Variants in FBXL7 observed in about 807,000 individuals in gnomAD.
FBXL7 encodes the protein F-box and leucine rich repeat protein 7, also known as F-box/LRR-repeat protein 7.
In FBXL7, 12 loss-of-function variants were observed where a neutral mutation model predicts 38.3. The observed-to-expected ratio is 0.31, with a 90% confidence interval of 0.20 to 0.51. The LOEUF (loss-of-function observed/expected upper bound fraction) is 0.51, where lower values mean the gene tolerates loss of function less well. Among genes scored for constraint, FBXL7 ranks in the 20% least tolerant of loss-of-function variants. The pLI is 0.98. For synonymous variants in FBXL7, 297 were observed against 300.9 expected (o/e 0.99, Z 0.13); for missense variants, 567 against 676.4 (o/e 0.84, Z 1.79).
intron 2 of FBXL7, among the ~76,000 whole-genome samples, chr5:15,630,757 A>G (rs1333464772): frequency 6.6e-6 from 1 of 152,180 alleles, no homozygotes; most frequent in East Asian, 1.9e-4. Context: ...AAGGTCTAAA[A>G]TCTGATTAAT....
chr5:15,622,460 G>A (rs1000380939), intron 2 of FBXL7, among the ~76,000 whole-genome samples: 7 of 152,000 alleles, frequency 4.6e-5, no homozygotes, highest in South Asian at 4.2e-4. Flanking sequence ...CACAGGCCCC[G>A]GTGTGTGATG....
chr5:15,551,091 C>T (rs1738053005), intron 1 of FBXL7, among the ~76,000 whole-genome samples: 1 of 152,182 alleles, frequency 6.6e-6, no homozygotes, highest in Non-Finnish European at 1.5e-5. Flanking sequence ...GAAGATCCTT[C>T]CTTTTGCCCC....
intron 2 of FBXL7, among the ~76,000 whole-genome samples, chr5:15,679,449 GT>G (rs1444670916): frequency 1.3e-5 from 2 of 151,466 alleles, no homozygotes; most frequent in Non-Finnish European, 2.9e-5. Flanking sequence ...TTCTCAGTTT[GT>G]TTATTGACTA....
intron 2 of FBXL7, among the ~76,000 whole-genome samples, chr5:15,702,851 A>G (rs1047672328): frequency 1.3e-5 from 2 of 148,500 alleles, no homozygotes; most frequent in Admixed American, 6.7e-5. Context: ...CAAGGGAGAT[A>G]GGGGTGGGTG....
chr5:15,790,940 T>C (rs766491445), intron 2 of FBXL7, among the ~76,000 whole-genome samples: 11 of 152,076 alleles, frequency 7.2e-5, no homozygotes, highest in Non-Finnish European at 1.2e-4. Flanking sequence ...TTAAAGTCCT[T>C]TTGGTCATGG....
intron 1 of FBXL7, among the ~76,000 whole-genome samples, chr5:15,536,683 A>G (rs1422048346): frequency 1.3e-5 from 2 of 152,202 alleles, no homozygotes; most frequent in Non-Finnish European, 2.9e-5. Flanking sequence ...TTGATTTTAC[A>G]GGCTCATAGG....
chr5:15,503,191 C>T (rs1016247582), intron 1 of FBXL7, among the ~76,000 whole-genome samples: 11 of 152,256 alleles, frequency 7.2e-5, no homozygotes, highest in African/African-American at 2.4e-4. Flanking sequence ...GAGGCCGAGG[C>T]GGGCAGATTA....
chr5:15,738,512 G>A (rs1735814952), intron 2 of FBXL7, among the ~76,000 whole-genome samples: 2 of 152,072 alleles, frequency 1.3e-5, no homozygotes, highest in South Asian at 4.1e-4. Flanking sequence ...ACAACATGTT[G>A]GCTCTCCCCT....
intron 2 of FBXL7, among the ~76,000 whole-genome samples, chr5:15,622,800 G>A (rs1203982620): frequency 6.6e-6 from 1 of 152,220 alleles, no homozygotes; most frequent in Non-Finnish European, 1.5e-5. Context: ...TGCTTCTTGG[G>A]TTCAAGCGAT....
intron 2 of FBXL7, among the ~76,000 whole-genome samples, chr5:15,840,280 T>G (rs1738706830): frequency 6.6e-6 from 1 of 152,206 alleles, no homozygotes; most frequent in Admixed American, 6.5e-5. Flanking sequence ...TATTTTTCTA[T>G]CCCTCTGCCA....
chr5:15,570,655 G>T (rs980693148), intron 1 of FBXL7, among the ~76,000 whole-genome samples: 1 of 152,160 alleles, frequency 6.6e-6, no homozygotes, highest in Non-Finnish European at 1.5e-5. Context: ...GTAGCAGCCC[G>T]TGTGTGTGCC....
chr5:15,590,267 A>G (rs1263695512), intron 1 of FBXL7, among the ~76,000 whole-genome samples: 4 of 152,112 alleles, frequency 2.6e-5, no homozygotes, highest in Non-Finnish European at 2.9e-5. Flanking sequence ...CTGGATTTAC[A>G]TCTCTTGGAT....
At chr5:15,865,184 A>G (rs1267494829) in intron 2 of FBXL7, among the ~76,000 whole-genome samples, 1 of 152,200 alleles carries the variant, frequency 6.6e-6, no homozygotes, top group Non-Finnish European at 1.5e-5. Context: ...CTGATGGGTA[A>G]GTAAGCATCA....
intron 1 of FBXL7, among the ~76,000 whole-genome samples, chr5:15,532,774 A>T (rs1737466548): frequency 6.6e-6 from 1 of 152,226 alleles, no homozygotes; most frequent in Non-Finnish European, 1.5e-5. Flanking sequence ...CGAGTTAAAG[A>T]ACACTGATTT....
chr5:15,576,072 C>CTTTTTTT (rs35832237), intron 1 of FBXL7, among the ~76,000 whole-genome samples: 3 of 74,258 alleles, frequency 4.0e-5, no homozygotes, highest in East Asian at 4.4e-4. Context: ...GAATCTCATT[C>CTTTTTTT]TTTTTTTTTT....
chr5:15,665,552 T>G (rs1348194685), intron 2 of FBXL7, among the ~76,000 whole-genome samples: 1 of 152,186 alleles, frequency 6.6e-6, no homozygotes, highest in Non-Finnish European at 1.5e-5. Flanking sequence ...CACTTGCAAC[T>G]TTCTACACCC....
intron 2 of FBXL7, among the ~76,000 whole-genome samples, chr5:15,840,323 A>G (rs1247152226): frequency 6.6e-6 from 1 of 152,186 alleles, no homozygotes; most frequent in African/African-American, 2.4e-5. Flanking sequence ...CAAACTCAGT[A>G]GTAAGTTATG....
At chr5:15,509,044 T>C (rs191376077) in intron 1 of FBXL7, among the ~76,000 whole-genome samples, 31 of 152,366 alleles carry the variant, frequency 2.0e-4, no homozygotes, top group Admixed American at 5.9e-4. Flanking sequence ...TTATGGTGAA[T>C]GACTTGAATA....
intron 2 of FBXL7, among the ~76,000 whole-genome samples, chr5:15,782,795 C>T (rs1274593489): frequency 6.6e-6 from 1 of 152,052 alleles, no homozygotes; most frequent in Non-Finnish European, 1.5e-5. Flanking sequence ...GGAATATTTT[C>T]TCCATTTTAA....
Sources: allele counts gnomAD v4.1 joint callset (sites outside exome capture counted in the v4.1 genomes callset), GRCh38; gene constraint gnomAD v4.1.1; transcripts MANE v1.5; gene names NCBI Gene and HGNC (gene_info 2026-07-23, HGNC 2026-07-21).